Variants in IGSF10 observed in about 807,000 individuals in gnomAD.
IGSF10 encodes the protein calvaria mechanical force protein 608.
IGSF10 carries 126 observed loss-of-function variants against 128.2 expected under a neutral mutation model. The ratio of observed to expected loss-of-function variants is 0.98; its 90% CI spans 0.85 to 1.14. The LOEUF is 1.14. IGSF10 is among the 50% of genes most tolerant of loss of function. IGSF10 has a pLI of 0.00. For synonymous variants in IGSF10, 1,185 were observed against 1,146.2 expected, an observed-to-expected ratio of 1.03 and a Z score of -0.68; for missense variants, 3,295 against 3,149.8, an observed-to-expected ratio of 1.05 and a Z score of -1.10.
chr3:151,505,109 C>A, the IGSF10 span, among the ~76,000 whole-genome samples: 6 of 152,316 alleles, frequency 3.9e-5, no homozygotes, highest in Admixed American at 3.3e-4. Flanking sequence ...TCTGTGGTAC[C>A]AATTTACTTT....
At chr3:151,574,634 GT>G in the IGSF10 span, among the ~76,000 whole-genome samples, 4 of 152,052 alleles carry the variant, frequency 2.6e-5, no homozygotes, top group Non-Finnish European at 5.9e-5. Flanking sequence ...TTTTTTCAAG[GT>G]TTTTAGCTTC....
chr3:151,440,943 G>T (rs777088097), intron 7 of IGSF10, among the ~76,000 whole-genome samples: 3 of 152,120 alleles, frequency 2.0e-5, no homozygotes, highest in Non-Finnish European at 2.9e-5. Context: ...AATAGGTCTC[G>T]CCAAGGATGT....
downstream of IGSF10, chr3:151,435,227 A>AAATC (rs1179980945): frequency 7.6e-6 from 1 of 132,400 alleles, no homozygotes. Context: ...CAAGACCTTG[A>AAATC]AATCAAATGG....
chr3:151,446,458 A>C lies in IGSF10; in HGVS notation c.3523T>G (p.Ser1175Ala), dbSNP rs1423053054. 2.5e-6 allele frequency: 4 copies of C among 1,614,170 alleles called. No individual in the cohort carries two copies. The highest frequency in any genetic ancestry group is 3.4e-6 in the Non-Finnish European group (4 of 1,180,004). Reference protein sequence around the residue: ...VSSTNEAKRDSVITSSLSGAI... With the variant: ...VSSTNEAKRDAVITSSLSGAI... Reference sequence around the variant, plus strand: ...CCTGAAAGTGACGATGTAATCACTGAATCTCTTTTAGCTTCATTGGTGCTA... The same window carrying C: ...CCTGAAAGTGACGATGTAATCACTGCATCTCTTTTAGCTTCATTGGTGCTA... Residue 1175 changes from serine to alanine, a missense_variant, in exon 6 of 8, where the codon TCA (serine) becomes GCA (alanine). Transcript: ENST00000282466.
At chr3:151,578,777 A>T in the IGSF10 span, among the ~76,000 whole-genome samples, 3 of 152,206 alleles carry the variant, frequency 2.0e-5, no homozygotes, top group Non-Finnish European at 4.4e-5. Context: ...AATAGAAAAA[A>T]AGATCTTCTA....
the IGSF10 span, among the ~76,000 whole-genome samples, chr3:151,495,905 T>C: frequency 6.6e-6 from 1 of 152,166 alleles, no homozygotes; most frequent in Non-Finnish European, 1.5e-5. Context: ...TTTCATTTTC[T>C]TCTACTGATA....
the IGSF10 span, among the ~76,000 whole-genome samples, chr3:151,557,100 CTG>C: frequency 6.6e-6 from 1 of 152,174 alleles, no homozygotes; most frequent in Admixed American, 6.6e-5. Context: ...GGTTCAATAA[CTG>C]AGTCTGCTGA....
chr3:151,436,450 G>GTTA lies in IGSF10; in HGVS notation c.*236_*238dup, dbSNP rs1720227402. 4 of 385,616 alleles carry GTTA rather than the reference G, an allele frequency of 1.0e-5. No individual in the cohort carries two copies. The highest frequency in any genetic ancestry group is 8.7e-5 in the South Asian group (2 of 23,006). The allele number at this position is 385,616 out of a possible 1,614,324, so 23.9% of individuals were successfully genotyped here. On this transcript the variant is annotated 3_prime_UTR_variant, in exon 8 of 8. Coordinates refer to ENST00000282466, the MANE Select transcript of IGSF10 (RefSeq NM_178822.5). ...TGAACCGTTTCAATGTTTGTTTATT[G>GTTA]TTATTTGTTGGCAAAATAAAAGTGC...
At chr3:151,455,038 G>T (rs1300847638) in intron 4 of IGSF10, among the ~76,000 whole-genome samples, 1 of 151,846 alleles carries the variant, frequency 6.6e-6, no homozygotes, top group African/African-American at 2.4e-5. Context: ...CAATTTATTG[G>T]TTTTTAGTAT....
rs1446408602 is a variant in IGSF10, at chr3:151,448,168, T to C, written c.1813A>G (p.Ile605Val). The C allele has an allele frequency of 6.2e-7, 1 of 1,614,094 alleles. No individual in the cohort carries two copies. The highest frequency in any genetic ancestry group is 1.3e-5 in the African/African-American group (1 of 74,932). Reference sequence around the variant, plus strand: ...TTGTTTCCTGGAATAACCCAGCTAATAGAGGCATCTGGGATACCAGTAGAA... The same window carrying C: ...TTGTTTCCTGGAATAACCCAGCTAACAGAGGCATCTGGGATACCAGTAGAA... ...CHSTGIPDASISWVIPGNNVL... is the reference protein window; with the variant it reads ...CHSTGIPDASVSWVIPGNNVL... The change falls in exon 6 of 8, where the codon ATT (isoleucine) becomes GTT (valine). Residue 605 changes from isoleucine to valine, a missense_variant. By Grantham distance (29) the Ile-to-Val change is conservative. Transcript: ENST00000282466.
intron 5 of IGSF10, among the ~76,000 whole-genome samples, chr3:151,451,176 A>C (rs1721493913): frequency 6.6e-6 from 1 of 152,062 alleles, no homozygotes; most frequent in Non-Finnish European, 1.5e-5. Flanking sequence ...AATCCTTTCC[A>C]TTCCTCAACC....
chr3:151,557,560 T>A, the IGSF10 span, among the ~76,000 whole-genome samples: 9 of 152,102 alleles, frequency 5.9e-5, no homozygotes, highest in Non-Finnish European at 1.3e-4. Context: ...AAGGGGCATA[T>A]TATGCAATGA....
At chr3:151,596,160 G>A in the IGSF10 span, among the ~76,000 whole-genome samples, 1 of 152,088 alleles carries the variant, frequency 6.6e-6, no homozygotes, top group Non-Finnish European at 1.5e-5. Flanking sequence ...GCTGAGCCAT[G>A]GGTGACAATT....
the IGSF10 span, among the ~76,000 whole-genome samples, chr3:151,603,840 T>C: frequency 1.3e-5 from 2 of 152,238 alleles, no homozygotes; most frequent in Admixed American, 6.5e-5. Flanking sequence ...GGAAAGAAGC[T>C]GATGTCCCAG....
the IGSF10 span, among the ~76,000 whole-genome samples, chr3:151,594,273 AT>A: frequency 2.2e-3 from 320 of 146,658 alleles, 1 homozygote; most frequent in African/African-American, 7.2e-3. Flanking sequence ...AGCAGCAGAG[AT>A]TTTTTTTTTA....
chr3:151,573,947 T>A, the IGSF10 span, among the ~76,000 whole-genome samples: 55 of 152,240 alleles, frequency 3.6e-4, no homozygotes, highest in African/African-American at 1.3e-3. Context: ...TCTCTCAGCA[T>A]TTCCTTGTCT....
the IGSF10 span, among the ~76,000 whole-genome samples, chr3:151,493,478 T>G: frequency 6.6e-6 from 1 of 152,162 alleles, no homozygotes; most frequent in Non-Finnish European, 1.5e-5. Context: ...TAACATATTC[T>G]TACTGCCCTT....
the IGSF10 span, among the ~76,000 whole-genome samples, chr3:151,580,546 T>C: frequency 1.3e-5 from 2 of 152,246 alleles, no homozygotes; most frequent in Admixed American, 1.3e-4. Context: ...AATATTTGAT[T>C]ATTGATTACT....
the IGSF10 span, among the ~76,000 whole-genome samples, chr3:151,569,803 A>C: frequency 6.6e-6 from 1 of 152,182 alleles, no homozygotes; most frequent in Non-Finnish European, 1.5e-5. Context: ...TTACGTATGT[A>C]TACATGCGCC....
Sources: gnomAD v4.1 joint callset for allele counts (sites outside exome capture counted in the v4.1 genomes callset) on GRCh38, gnomAD v4.1.1 for gene constraint, MANE v1.5 for transcripts, NCBI Gene and HGNC (gene_info 2026-07-23, HGNC 2026-07-21) for gene names.